MAP3K20: variants seen among roughly 807,000 people sequenced by gnomAD.
MAP3K20 encodes the protein mitogen-activated protein kinase kinase kinase 20.
In MAP3K20, 40 loss-of-function variants were observed where a neutral mutation model predicts 85.7. The ratio of observed to expected loss-of-function variants is 0.47; its 90% CI spans 0.36 to 0.61. The LOEUF is 0.61. Among genes scored for constraint, MAP3K20 ranks in the 20% least tolerant of loss-of-function variants. MAP3K20 has a pLI of 0.00. For missense variants in MAP3K20, 817 were observed against 961.7 expected, an observed-to-expected ratio of 0.85 and a Z score of 1.99; for synonymous variants, 325 against 327.7, an observed-to-expected ratio of 0.99 and a Z score of 0.09.
intron 2 of MAP3K20, among the ~76,000 whole-genome samples, chr2:173,130,166 G>A (rs1463329247): frequency 6.6e-6 from 1 of 152,152 alleles, no homozygotes; most frequent in East Asian, 1.9e-4. Context: ...TCACTTAAGT[G>A]TTTTTATTAT....
At chr2:173,107,688 T>C (rs909398307) in intron 2 of MAP3K20, among the ~76,000 whole-genome samples, 2 of 152,158 alleles carry the variant, frequency 1.3e-5, no homozygotes, top group African/African-American at 2.4e-5. Context: ...CTTTCTCCAC[T>C]ACTTATTAGA....
intron 2 of MAP3K20, among the ~76,000 whole-genome samples, chr2:173,097,257 G>A (rs1478086927): frequency 6.6e-6 from 1 of 152,158 alleles, no homozygotes; most frequent in Non-Finnish European, 1.5e-5. Flanking sequence ...TCGGGAGGCT[G>A]AGGCAGGAGA....
At chr2:173,134,426 A>ATTTTTTTTTTTTTTTTTTTTTT (rs1457014949) in intron 2 of MAP3K20, among the ~76,000 whole-genome samples, 1 of 4,672 alleles carries the variant, frequency 2.1e-4, no homozygotes, top group African/African-American at 6.3e-4. Context: ...ATATATATAT[A>ATTTTTTTTTTTTTTTTTTTTTT]TATTTTTTTT....
chr2:173,198,110 G>A lies in MAP3K20; in HGVS notation c.667G>A (p.Glu223Lys). The A allele has an allele frequency of 6.2e-7, 1 of 1,612,032 alleles. No individual in the cohort carries two copies. Among genetic ancestry groups the A allele is most frequent in the Non-Finnish European group, 8.5e-7 (1 of 1,178,726 alleles). The change falls in exon 8 of 20, where the codon GAG becomes AAG. Residue 223 changes from glutamate (E) to lysine (K), a missense_variant and splice_region_variant. By Grantham distance (56) the Glu-to-Lys change is moderately conservative. Around this residue, in one of 4 missense-constraint regions of MAP3K20, gnomAD observed 200 missense variants for 302.7 expected, o/e 0.66. Coordinates refer to ENST00000375213, the MANE Select transcript of MAP3K20 (RefSeq NM_016653.3). The surrounding 1 kb of genome is among the most constrained non-coding windows in gnomAD (Gnocchi z 5.8). ...QVAWLVVEKNERLTIPSSCPR... is the reference protein window; with the variant it reads ...QVAWLVVEKNKRLTIPSSCPR... ...AGCTTGGCTTGTAGTGGAAAAAAAC[G>A]AGGTAAGACTACGTTTCTCCATTCA...
intron 16 of MAP3K20, among the ~76,000 whole-genome samples, chr2:173,249,144 T>C (rs1684987331): frequency 6.6e-6 from 1 of 152,188 alleles, no homozygotes; most frequent in African/African-American, 2.4e-5. Context: ...GTGACTGTCT[T>C]TAAAAAACGT....
chr2:173,081,265 A>G (rs1028759563), intron 1 of MAP3K20, among the ~76,000 whole-genome samples: 2 of 151,400 alleles, frequency 1.3e-5, no homozygotes, highest in Non-Finnish European at 2.9e-5. Context: ...GTGCTCTAGC[A>G]ATCCTCCCAC....
intron 16 of MAP3K20, among the ~76,000 whole-genome samples, chr2:173,240,640 C>T (rs1027682597): frequency 1.3e-5 from 2 of 152,214 alleles, no homozygotes; most frequent in African/African-American, 4.8e-5. Context: ...GATATCATCT[C>T]ACCCCACTTA....
At chr2:173,208,587 G>A (rs1430717586) in intron 9 of MAP3K20, among the ~76,000 whole-genome samples, 1 of 152,086 alleles carries the variant, frequency 6.6e-6, no homozygotes, top group Non-Finnish European at 1.5e-5. Flanking sequence ...GAAAGACACA[G>A]GCACACACAT....
chr2:173,245,511 A>G (rs555186909), intron 16 of MAP3K20, among the ~76,000 whole-genome samples: 1 of 152,324 alleles, frequency 6.6e-6, no homozygotes, highest in East Asian at 1.9e-4. Context: ...GCTTTTTCTG[A>G]AACAACCTAG....
intron 11 of MAP3K20, among the ~76,000 whole-genome samples, chr2:173,220,461 A>G (rs1271118265): frequency 1.3e-5 from 2 of 148,154 alleles, no homozygotes; most frequent in Non-Finnish European, 1.5e-5. Context: ...ATGTGTTTAC[A>G]TACTTACGTC....
chr2:173,252,516 AAC>A (rs1156394629), intron 16 of MAP3K20, among the ~76,000 whole-genome samples: 1 of 152,184 alleles, frequency 6.6e-6, no homozygotes, highest in Non-Finnish European at 1.5e-5. Context: ...ATTCATGTCA[AAC>A]ACACACATTC....
At chr2:173,193,017 A>C (rs1361900000) in intron 7 of MAP3K20, 1 of 152,100 alleles carries the variant, frequency 6.6e-6, no homozygotes, top group Non-Finnish European at 1.5e-5. Context: ...TGAAAAAGCC[A>C]CTCTGTATTC....
At chr2:173,191,802 G>T (rs940815500) in intron 7 of MAP3K20, among the ~76,000 whole-genome samples, 1 of 152,166 alleles carries the variant, frequency 6.6e-6, no homozygotes, top group East Asian at 1.9e-4. Flanking sequence ...AGACTAATGA[G>T]GGGGTGGAGT....
intron 16 of MAP3K20, among the ~76,000 whole-genome samples, chr2:173,245,607 C>T (rs745485367): frequency 2.0e-5 from 3 of 152,192 alleles, no homozygotes; most frequent in Non-Finnish European, 4.4e-5. Flanking sequence ...TTTACTTGAC[C>T]TGCTCCTAAG....
At chr2:173,099,535 C>T (rs1170855666) in intron 2 of MAP3K20, among the ~76,000 whole-genome samples, 1 of 151,998 alleles carries the variant, frequency 6.6e-6, no homozygotes, top group East Asian at 1.9e-4. Flanking sequence ...CCACTCCTGT[C>T]CAACTGTTCT....
At position 173,164,667 on chromosome 2, in the gene MAP3K20, GA is replaced by G. The variant is rs1290497642; in HGVS notation, c.160-5131del. Among the ~76,000 whole-genome samples the G allele has an allele frequency of 3.9e-5, 6 of 152,090 alleles. No individual in the cohort carries two copies. The South Asian group carries it at 6.2e-4, about 16-fold the overall frequency. ...ACAAAATAAAATTTGGGATTAGGTT[GA>G]AAAAAAGTTTTGAATTGAAGGAAAA... On this transcript the variant is annotated intron_variant, in intron 2 of 19. Transcript: ENST00000375213.
Position 173,217,124 on chromosome 2 carries a change from T to C in MAP3K20, c.861T>C (p.Ile287=). ...AGCTATCCCCGTGCAGGTGCGAAAT[T>C]GAGGCAACTCTTGAGAGGCTAAAGA... ...LHNKAEWRCE[I]EATLERLKKL... is the part of the protein sequence containing the mutation. Residue 287 remains isoleucine, a synonymous_variant, in exon 11 of 20, where the codon ATT becomes ATC. Coordinates refer to ENST00000375213, the MANE Select transcript of MAP3K20 (RefSeq NM_016653.3). 6.4e-6 allele frequency: 10 copies of C among 1,564,722 alleles called. No individual in the cohort carries two copies. Among genetic ancestry groups the C allele is most frequent in the African/African-American group, 1.4e-5 (1 of 73,008 alleles).
intron 11 of MAP3K20, among the ~76,000 whole-genome samples, chr2:173,220,980 T>TGGAGCCAAATCTGCC (rs1176572450): frequency 6.6e-6 from 1 of 152,248 alleles, no homozygotes; most frequent in East Asian, 1.9e-4. Context: ...GCAAATATGC[T>TGGAGCCAAATCTGCC]GGAGCCAAAT....
At chr2:173,201,223 C>A (rs1691050913) in intron 8 of MAP3K20, among the ~76,000 whole-genome samples, 1 of 152,048 alleles carries the variant, frequency 6.6e-6, no homozygotes, top group South Asian at 2.1e-4. Context: ...ATATTAAATC[C>A]TATTAAAACT....
Sources: gnomAD v4.1 joint callset for allele counts (sites outside exome capture counted in the v4.1 genomes callset) on GRCh38, gnomAD v4.1.1 for gene constraint, gnomAD v4.1.1 regional missense constraint, Gnocchi (gnomAD v3.1) non-coding constraint, MANE v1.5 for transcripts, NCBI Gene and HGNC (gene_info 2026-07-23, HGNC 2026-07-21) for gene names.